Variants in PHACTR1 observed in about 807,000 individuals in gnomAD.
PHACTR1 encodes RPEL repeat containing 1.
In PHACTR1, 16 loss-of-function variants were observed where a neutral mutation model predicts 69.2. The ratio of observed to expected loss-of-function variants is 0.23; its 90% CI spans 0.16 to 0.35. PHACTR1 has a LOEUF of 0.35. PHACTR1 is among the 10% of genes least tolerant of loss of function. The pLI is 1.00. For missense variants in PHACTR1, 510 were observed against 734.7 expected (o/e 0.69, Z 3.54); for synonymous variants, 312 against 284.5 (o/e 1.10, Z -0.97).
At chr6:13,276,399 T>A (rs965354729) in intron 11 of PHACTR1, among the ~76,000 whole-genome samples, 1 of 152,192 alleles carries the variant, frequency 6.6e-6, no homozygotes, top group African/African-American at 2.4e-5. Context: ...GGAGGTATAG[T>A]CACCTTGAGT....
intron 5 of PHACTR1, among the ~76,000 whole-genome samples, chr6:13,123,513 T>C (rs1819064084): frequency 6.6e-6 from 1 of 152,212 alleles, no homozygotes; most frequent in African/African-American, 2.4e-5. Flanking sequence ...GAAGGCCACC[T>C]AAATTTAGAT....
chr6:12,922,097 T>G (rs1270478414), intron 4 of PHACTR1, among the ~76,000 whole-genome samples: 1 of 152,162 alleles, frequency 6.6e-6, no homozygotes, highest in Non-Finnish European at 1.5e-5. Context: ...TGAGCTACTT[T>G]TATAAGGAAT....
At chr6:13,156,578 G>T (rs973106532) in intron 5 of PHACTR1, among the ~76,000 whole-genome samples, 1 of 152,138 alleles carries the variant, frequency 6.6e-6, no homozygotes, top group African/African-American at 2.4e-5. Flanking sequence ...AAAGCATCTG[G>T]CATAGTCTGT....
At chr6:13,014,589 G>A (rs1308967046) in intron 4 of PHACTR1, among the ~76,000 whole-genome samples, 1 of 152,166 alleles carries the variant, frequency 6.6e-6, no homozygotes, top group Non-Finnish European at 1.5e-5. Flanking sequence ...TGGAGAGGCG[G>A]TTTGGCTGCG....
chr6:12,745,127 AAGGT>A (rs1475920133), intron 3 of PHACTR1, among the ~76,000 whole-genome samples: 2 of 152,144 alleles, frequency 1.3e-5, no homozygotes, highest in Non-Finnish European at 2.9e-5. Context: ...TTTAAAGGGT[AAGGT>A]TTACTTACTT....
In PHACTR1 at chr6:13,283,097, C is replaced by G. The variant is rs889782596; in HGVS notation, c.1510-325C>G. ...GAAGCTGGTGATAATACACCAAATT[C>G]ATTACATTAGTCTCCTTCCTTGTTT... On this transcript the variant is annotated intron_variant, in intron 12 of 14. Coordinates refer to ENST00000332995, the MANE Select transcript of PHACTR1 (RefSeq NM_030948.6). This position sits in a 1 kb window ranked among gnomAD's most constrained non-coding sequence, Gnocchi z 4.7. Among the ~76,000 whole-genome samples the G allele has an allele frequency of 3.9e-5, 6 of 151,968 alleles. No homozygotes were observed. The highest frequency in any genetic ancestry group is 1.5e-4 in the African/African-American group (6 of 41,366).
chr6:13,065,572 T>A (rs1374909991), intron 5 of PHACTR1, among the ~76,000 whole-genome samples: 5 of 151,936 alleles, frequency 3.3e-5, no homozygotes, highest in Non-Finnish European at 5.9e-5. Flanking sequence ...GAGGTAGTCA[T>A]CTTCTTTTAA....
chr6:13,013,718 G>A (rs1009013793), intron 4 of PHACTR1, among the ~76,000 whole-genome samples: 1 of 151,294 alleles, frequency 6.6e-6, no homozygotes, highest in East Asian at 2.0e-4. Flanking sequence ...CAGCGAGGTC[G>A]GCGAGGTCAA....
At chr6:12,726,472 T>A (rs1046808072) in intron 3 of PHACTR1, among the ~76,000 whole-genome samples, 4 of 152,210 alleles carry the variant, frequency 2.6e-5, no homozygotes, top group African/African-American at 7.2e-5. Context: ...TTTGGCTGAT[T>A]AATCCTCAAA....
chr6:12,813,371 G>A (rs1051126026), intron 4 of PHACTR1, among the ~76,000 whole-genome samples: 1 of 152,154 alleles, frequency 6.6e-6, no homozygotes, highest in Non-Finnish European at 1.5e-5. Flanking sequence ...GAAATTATCT[G>A]GAAAACTTCA....
intron 4 of PHACTR1, among the ~76,000 whole-genome samples, chr6:13,033,628 A>T (rs1471619368): frequency 6.6e-6 from 1 of 152,244 alleles, no homozygotes; most frequent in East Asian, 1.9e-4. Context: ...GAGAACCAGA[A>T]AGGAAAATGC....
chr6:13,147,782 G>A (rs949153505), intron 5 of PHACTR1, among the ~76,000 whole-genome samples: 4 of 152,162 alleles, frequency 2.6e-5, no homozygotes, highest in African/African-American at 9.7e-5. Context: ...TAGTAACAAT[G>A]TCGTTTAATT....
At chr6:13,054,194 C>T (rs1235858472) in intron 5 of PHACTR1, among the ~76,000 whole-genome samples, 1 of 152,194 alleles carries the variant, frequency 6.6e-6, no homozygotes, top group Non-Finnish European at 1.5e-5. Context: ...TGTGCCTCAG[C>T]TTCCTCGTCT....
chr6:12,852,799 T>C lies in PHACTR1; in HGVS notation c.250+103009T>C, dbSNP rs996185195. ...GGGCACTGATGTTACCAAAAAATCA[T>C]TCCTCACTCTGATAGTTTATGACAG... On this transcript the variant is annotated intron_variant, in intron 4 of 14. Coordinates refer to ENST00000332995, the MANE Select transcript of PHACTR1 (RefSeq NM_030948.6). Among the ~76,000 whole-genome samples the C allele has an allele frequency of 5.9e-5, 9 of 152,284 alleles. No individual in the cohort carries two copies. The East Asian group carries it at 1.5e-3, about 26-fold the overall frequency.
intron 10 of PHACTR1, among the ~76,000 whole-genome samples, chr6:13,232,319 T>G (rs1771343919): frequency 6.6e-6 from 1 of 152,232 alleles, no homozygotes; most frequent in Non-Finnish European, 1.5e-5. Context: ...CAGCTTCTTT[T>G]TCAAAATTAA....
intron 10 of PHACTR1, among the ~76,000 whole-genome samples, chr6:13,251,409 C>G (rs893228625): frequency 2.6e-5 from 4 of 152,204 alleles, no homozygotes; most frequent in African/African-American, 9.6e-5. Context: ...CAAATAGGAT[C>G]TGTCCAGGTT....
At chr6:12,919,448 A>G (rs1404323592) in intron 4 of PHACTR1, among the ~76,000 whole-genome samples, 1 of 152,098 alleles carries the variant, frequency 6.6e-6, no homozygotes, top group Non-Finnish European at 1.5e-5. Context: ...GCCTATAAAG[A>G]CTTTTAAGGA....
chr6:13,277,253 G>C (rs1779109005), intron 11 of PHACTR1, among the ~76,000 whole-genome samples: 1 of 152,160 alleles, frequency 6.6e-6, no homozygotes, highest in Non-Finnish European at 1.5e-5. Flanking sequence ...TTAAAAATCT[G>C]ATGAGTAAAT....
chr6:12,798,610 A>C (rs1773353321), intron 4 of PHACTR1, among the ~76,000 whole-genome samples: 1 of 152,150 alleles, frequency 6.6e-6, no homozygotes, highest in South Asian at 2.1e-4. Context: ...TTTACTTCTG[A>C]AGGTTTGTCA....
Sources: allele counts gnomAD v4.1 joint callset (sites outside exome capture counted in the v4.1 genomes callset), GRCh38; gene constraint gnomAD v4.1.1; non-coding constraint Gnocchi (gnomAD v3.1); transcripts MANE v1.5; gene names NCBI Gene and HGNC (gene_info 2026-07-23, HGNC 2026-07-21).